PIK3R3: variants seen among roughly 807,000 people sequenced by gnomAD.
PIK3R3 encodes the protein phosphoinositide-3-kinase regulatory subunit 3.
PIK3R3 carries 64 observed loss-of-function variants against 62.9 expected under a neutral mutation model. The observed-to-expected ratio is 1.02, with a 90% confidence interval of 0.83 to 1.25. The LOEUF is 1.25. Among genes scored for constraint, PIK3R3 ranks in the 50% most tolerant of loss-of-function variants. The pLI is 0.00. For missense variants in PIK3R3, 614 were observed against 561.6 expected (o/e 1.09, Z -0.94); for synonymous variants, 165 against 189.0 (o/e 0.87, Z 1.04).
At chr1:46,163,707 T>C in the PIK3R3 span, among the ~76,000 whole-genome samples, 1 of 152,130 alleles carries the variant, frequency 6.6e-6, no homozygotes, top group African/African-American at 2.4e-5. Flanking sequence ...CCTGCCCTCT[T>C]AGAGCAGATG....
At chr1:46,063,564 G>T (rs1013712876) in intron 5 of PIK3R3, among the ~76,000 whole-genome samples, 1 of 152,204 alleles carries the variant, frequency 6.6e-6, no homozygotes, top group Non-Finnish European at 1.5e-5. Flanking sequence ...AACACTGGTA[G>T]ATATATTGGT....
At chr1:46,103,218 T>G (rs181557523) in intron 1 of PIK3R3, among the ~76,000 whole-genome samples, 286 of 152,270 alleles carry the variant, frequency 1.9e-3, no homozygotes, top group African/African-American at 6.4e-3. Context: ...ATGTGCAAGA[T>G]GAAATCTGGA....
intron 7 of PIK3R3, among the ~76,000 whole-genome samples, chr1:46,051,066 A>C (rs1647301878): frequency 6.6e-6 from 1 of 152,246 alleles, no homozygotes; most frequent in Admixed American, 6.5e-5. Context: ...AGGGATGTTA[A>C]GTAAACAGTG....
At chr1:46,135,363 CT>C (rs1655891894), upstream of PIK3R3, among the ~76,000 whole-genome samples, 1 of 151,982 alleles carries the variant, frequency 6.6e-6, no homozygotes, top group African/African-American at 2.4e-5. Context: ...TTAAAGTAGT[CT>C]TAGGTAAATC....
At chr1:46,144,027 C>T in the PIK3R3 span, among the ~76,000 whole-genome samples, 1 of 152,186 alleles carries the variant, frequency 6.6e-6, no homozygotes, top group Non-Finnish European at 1.5e-5. Flanking sequence ...TGTCCCCCTT[C>T]TCAATTTGTA....
intron 5 of PIK3R3, among the ~76,000 whole-genome samples, chr1:46,062,697 T>A (rs1489547039): frequency 1.3e-5 from 2 of 152,238 alleles, no homozygotes; most frequent in African/African-American, 4.8e-5. Context: ...CTGTCCTGAA[T>A]GTTTACAATT....
intron 6 of PIK3R3, chr1:46,057,422 A>AT (rs1252318285): frequency 3.6e-4 from 55 of 152,574 alleles, no homozygotes; most frequent in South Asian, 8.3e-4. Flanking sequence ...GAAAATGGGG[A>AT]AGTGACCTTA....
the PIK3R3 span, among the ~76,000 whole-genome samples, chr1:46,147,231 G>A: frequency 6.6e-5 from 10 of 151,824 alleles, no homozygotes; most frequent in East Asian, 7.8e-4. Flanking sequence ...GCCTCAGCCT[G>A]TAGCTGGGAC....
At chr1:46,048,796 A>C (rs1647182240) in intron 7 of PIK3R3, among the ~76,000 whole-genome samples, 1 of 152,202 alleles carries the variant, frequency 6.6e-6, no homozygotes, top group African/African-American at 2.4e-5. Flanking sequence ...CTTCTGACTT[A>C]GGCAACTTTT....
the PIK3R3 span, among the ~76,000 whole-genome samples, chr1:46,147,127 G>A: frequency 6.6e-6 from 1 of 152,068 alleles, no homozygotes; most frequent in African/African-American, 2.4e-5. Flanking sequence ...TATTTTTTGA[G>A]ATGGAATCAC....
chr1:46,150,948 A>G, the PIK3R3 span, among the ~76,000 whole-genome samples: 1 of 151,564 alleles, frequency 6.6e-6, no homozygotes, highest in Non-Finnish European at 1.5e-5. Flanking sequence ...AACTGGGATT[A>G]CAGGCATGCA....
intron 6 of PIK3R3, among the ~76,000 whole-genome samples, chr1:46,059,825 C>T (rs563824576): frequency 2.0e-5 from 3 of 151,444 alleles, no homozygotes; most frequent in Admixed American, 6.6e-5. Flanking sequence ...ATAGGCTGGG[C>T]GCGGTGGCTC....
upstream of PIK3R3, chr1:46,132,937 C>T (rs1228814600): frequency 5.2e-6 from 6 of 1,162,302 alleles, no homozygotes; most frequent in East Asian, 3.7e-4. Flanking sequence ...GGGCGCTGGC[C>T]GCACTCCAGG....
At chr1:46,148,390 G>A in the PIK3R3 span, among the ~76,000 whole-genome samples, 1 of 152,180 alleles carries the variant, frequency 6.6e-6, no homozygotes, top group South Asian at 2.1e-4. Flanking sequence ...TTCCCCAAGA[G>A]GTCACAAGGA....
intron 1 of PIK3R3, among the ~76,000 whole-genome samples, chr1:46,095,506 C>T (rs557697443): frequency 2.0e-5 from 3 of 151,944 alleles, no homozygotes; most frequent in Non-Finnish European, 4.4e-5. Flanking sequence ...GGGCCTGTCG[C>T]GGGGTGGTAG....
chr1:46,158,219 A>G, the PIK3R3 span, among the ~76,000 whole-genome samples: 1 of 152,200 alleles, frequency 6.6e-6, no homozygotes, highest in African/African-American at 2.4e-5. Context: ...CTCCCTGTCT[A>G]AAAGTGTCCA....
At chr1:46,087,819 C>T (rs2149423438) in intron 1 of PIK3R3, among the ~76,000 whole-genome samples, 1 of 152,156 alleles carries the variant, frequency 6.6e-6, no homozygotes, top group Non-Finnish European at 1.5e-5. Context: ...AATGGATGAA[C>T]ATTGAAAATA....
intron 3 of PIK3R3, among the ~76,000 whole-genome samples, chr1:46,069,953 G>A (rs1283103801): frequency 6.6e-6 from 1 of 152,144 alleles, no homozygotes; most frequent in Non-Finnish European, 1.5e-5. Context: ...AGCACTAAAT[G>A]AACTGACTAA....
intron 7 of PIK3R3, among the ~76,000 whole-genome samples, chr1:46,050,121 C>CAAAA (rs1265958044): frequency 1.3e-5 from 1 of 78,986 alleles, no homozygotes. Flanking sequence ...AACTCTGTCT[C>CAAAA]AAAAAAAAAA....
Sources: allele counts gnomAD v4.1 joint callset (sites outside exome capture counted in the v4.1 genomes callset), GRCh38; gene constraint gnomAD v4.1.1; transcripts MANE v1.5; gene names NCBI Gene and HGNC (gene_info 2026-07-23, HGNC 2026-07-21).